ST6GALNAC3: variants seen among roughly 807,000 people sequenced by gnomAD.
ST6GALNAC3 encodes alpha-N-acetylgalactosaminide alpha-2,6-sialyltransferase 3.
Under a neutral mutation model 32.7 loss-of-function variants are expected in ST6GALNAC3, and 25 were observed. The ratio of observed to expected loss-of-function variants is 0.76; its 90% CI spans 0.56 to 1.07. The LOEUF is 1.07. Among genes scored for constraint, ST6GALNAC3 ranks in the 50% least tolerant of loss-of-function variants. The pLI is 0.00. For missense variants in ST6GALNAC3, 355 were observed against 382.4 expected (o/e 0.93, Z 0.60); for synonymous variants, 129 against 133.1 (o/e 0.97, Z 0.21).
intron 1 of ST6GALNAC3, among the ~76,000 whole-genome samples, chr1:76,170,653 G>C (rs972451928): frequency 2.6e-5 from 4 of 152,138 alleles, no homozygotes; most frequent in African/African-American, 9.7e-5. Flanking sequence ...CTTTGTTTCT[G>C]TATCAGACAC....
At chr1:76,147,620 T>C (rs1480979283) in intron 1 of ST6GALNAC3, among the ~76,000 whole-genome samples, 2 of 152,200 alleles carry the variant, frequency 1.3e-5, no homozygotes, top group Non-Finnish European at 2.9e-5. Flanking sequence ...CTATTTTACC[T>C]CAACTAGAAC....
At chr1:76,515,949 T>C (rs761333517) in intron 3 of ST6GALNAC3, among the ~76,000 whole-genome samples, 3 of 152,222 alleles carry the variant, frequency 2.0e-5, no homozygotes, top group Non-Finnish European at 4.4e-5. Flanking sequence ...TTTAATATGA[T>C]GTTTCTTTGT....
At chr1:76,617,177 G>A (rs958780168) in intron 3 of ST6GALNAC3, among the ~76,000 whole-genome samples, 1 of 152,108 alleles carries the variant, frequency 6.6e-6, no homozygotes, top group Non-Finnish European at 1.5e-5. Flanking sequence ...AATGATTTTT[G>A]TCAGAATAAG....
chr1:76,191,247 C>T (rs1338622372), intron 1 of ST6GALNAC3, among the ~76,000 whole-genome samples: 1 of 151,570 alleles, frequency 6.6e-6, no homozygotes, highest in African/African-American at 2.4e-5. Context: ...TTTGAAGTAA[C>T]CAGACACCAA....
chr1:76,174,583 CT>C (rs1324889974), intron 1 of ST6GALNAC3, among the ~76,000 whole-genome samples: 4 of 151,500 alleles, frequency 2.6e-5, no homozygotes, highest in African/African-American at 4.8e-5. Context: ...TCTAGTCTCC[CT>C]TTTTCTTTTA....
At chr1:76,323,490 A>T (rs1313818264) in intron 2 of ST6GALNAC3, among the ~76,000 whole-genome samples, 1 of 152,200 alleles carries the variant, frequency 6.6e-6, no homozygotes, top group Non-Finnish European at 1.5e-5. Context: ...AGACTATCCT[A>T]GTCAACAAAT....
chr1:76,222,743 C>T (rs1269418224), intron 1 of ST6GALNAC3, among the ~76,000 whole-genome samples: 1 of 152,068 alleles, frequency 6.6e-6, no homozygotes, highest in African/African-American at 2.4e-5. Context: ...GAGCAAAGGA[C>T]ATGAACAGAC....
In ST6GALNAC3 at chr1:76,630,832, T is replaced by C; in HGVS notation, c.*2026T>C. The stretch of plus-strand genomic sequence containing the variant: ...ATGTTAAGTTTTTTTGAGCTAATGA[T>C]AGATAGAAATGCCCACTCAAAGAAA... On this transcript the variant is annotated 3_prime_UTR_variant, in exon 5 of 5. Transcript: ENST00000328299. The C allele has an allele frequency of 1.0e-6, 1 of 985,596 alleles. No homozygotes were observed. Among genetic ancestry groups the C allele is most frequent in the Non-Finnish European group, 1.2e-6 (1 of 829,782 alleles). The allele number at this position is 985,596 out of a possible 1,614,324, so 61.1% of individuals were successfully genotyped here.
At chr1:76,603,457 A>G (rs1229169098) in intron 3 of ST6GALNAC3, among the ~76,000 whole-genome samples, 2 of 152,238 alleles carry the variant, frequency 1.3e-5, no homozygotes, top group African/African-American at 4.8e-5. Flanking sequence ...TGAATGAAAA[A>G]GACAAATCAC....
intron 1 of ST6GALNAC3, among the ~76,000 whole-genome samples, chr1:76,300,377 T>C (rs1196136745): frequency 6.6e-6 from 1 of 151,994 alleles, no homozygotes; most frequent in Non-Finnish European, 1.5e-5. Flanking sequence ...ACCCTTTTTC[T>C]AGTGATACCA....
chr1:76,635,900 G>C (rs1437867588), downstream of ST6GALNAC3, among the ~76,000 whole-genome samples: 1 of 152,120 alleles, frequency 6.6e-6, no homozygotes, highest in African/African-American at 2.4e-5. Flanking sequence ...CGCGTGCCTT[G>C]GTATGGGCAA....
At chr1:76,597,570 G>C (rs577847743) in intron 3 of ST6GALNAC3, among the ~76,000 whole-genome samples, 108 of 152,040 alleles carry the variant, frequency 7.1e-4, no homozygotes, top group Non-Finnish European at 1.3e-3. Flanking sequence ...TTCCCCACAA[G>C]TTTTTCATTC....
chr1:76,632,377 G>A lies in ST6GALNAC3; in HGVS notation c.*3571G>A, dbSNP rs752571687. 6.6e-6 allele frequency: 1 copy of A among 152,158 alleles called. No individual in the cohort carries two copies. The highest frequency in any genetic ancestry group is 2.4e-5 in the African/African-American group (1 of 41,424). 9.4% of individuals were successfully genotyped at this position (152,158 alleles called of 1,614,324 possible). ...TGTAAGTATAGCAATCTGTATTGTA[G>A]GTTCTGCCGATTGCAGGCTTAGCTA... On this transcript the variant is annotated 3_prime_UTR_variant, in exon 5 of 5. Coordinates refer to ENST00000328299, the MANE Select transcript of ST6GALNAC3 (RefSeq NM_152996.4).
At chr1:76,363,899 G>T (rs1650162381) in intron 2 of ST6GALNAC3, among the ~76,000 whole-genome samples, 1 of 152,104 alleles carries the variant, frequency 6.6e-6, no homozygotes, top group Non-Finnish European at 1.5e-5. Flanking sequence ...AAAATACCAA[G>T]GGGGATGGCA....
At chr1:76,621,491 G>A (rs890423539) in intron 3 of ST6GALNAC3, among the ~76,000 whole-genome samples, 1 of 152,064 alleles carries the variant, frequency 6.6e-6, no homozygotes, top group Admixed American at 6.6e-5. Flanking sequence ...TGCTGGGCAT[G>A]TCCTGTTGAT....
At chr1:76,128,219 A>C (rs536596073) in intron 1 of ST6GALNAC3, among the ~76,000 whole-genome samples, 1 of 152,234 alleles carries the variant, frequency 6.6e-6, no homozygotes, top group Non-Finnish European at 1.5e-5. Flanking sequence ...GAAAGGAGAA[A>C]AGGCACAGCA....
At chr1:76,569,081 A>C (rs1412512184) in intron 3 of ST6GALNAC3, among the ~76,000 whole-genome samples, 2 of 152,078 alleles carry the variant, frequency 1.3e-5, no homozygotes, top group Non-Finnish European at 2.9e-5. Context: ...GAATAAACAT[A>C]ACTCCTTTTT....
rs74561898 is a variant in ST6GALNAC3 at position 76,201,964 on chromosome 1, C to T, written c.19-111841C>T. 4.9e-3 allele frequency among the ~76,000 whole-genome samples: 751 copies of T among 152,094 alleles called. 3 individuals carry two copies. Among genetic ancestry groups the T allele is most frequent in the African/African-American group, 0.017 (713 of 41,480 alleles). On this transcript the variant is annotated intron_variant, in intron 1 of 4. Transcript: ENST00000328299. ...TAGTAAAATTTAACTATCGTAAAGC[C>T]TCTGGGAGCATTGACTTGGTAAAGT... is the stretch of plus-strand genomic sequence containing the variant.
chr1:76,225,394 G>A (rs1224359329), intron 1 of ST6GALNAC3, among the ~76,000 whole-genome samples: 1 of 152,062 alleles, frequency 6.6e-6, no homozygotes, highest in African/African-American at 2.4e-5. Flanking sequence ...GTGTGTATTT[G>A]TCTGAATTAG....
Sources: allele counts gnomAD v4.1 joint callset (sites outside exome capture counted in the v4.1 genomes callset), GRCh38; gene constraint gnomAD v4.1.1; transcripts MANE v1.5; gene names NCBI Gene and HGNC (gene_info 2026-07-23, HGNC 2026-07-21).